The following LDLRAP1 variants were observed in gnomAD, a reference collection of about 807,000 sequenced individuals.
LDLRAP1 encodes low density lipoprotein receptor adapter protein 1.
A neutral mutation model predicts 37.8 loss-of-function variants in LDLRAP1; 30 were observed. The ratio of observed to expected loss-of-function variants is 0.79; its 90% CI spans 0.59 to 1.08. The LOEUF is 1.08. LDLRAP1 is among the 50% of genes least tolerant of loss of function. The pLI is 0.00. For synonymous variants in LDLRAP1, 156 were observed against 169.8 expected (o/e 0.92, Z 0.63); for missense variants, 375 against 401.6 (o/e 0.93, Z 0.57).
chr1:25,549,402 C>T (rs1271839896), intron 1 of LDLRAP1, among the ~76,000 whole-genome samples: 1 of 152,220 alleles, frequency 6.6e-6, no homozygotes, highest in East Asian at 1.9e-4. Context: ...ACACACCAGC[C>T]AGGCAGGGTC....
chr1:25,570,634 C>T (rs551731540), downstream of LDLRAP1, among the ~76,000 whole-genome samples: 14 of 152,136 alleles, frequency 9.2e-5, 1 homozygote, highest in South Asian at 1.7e-3. Flanking sequence ...CCGAGGCAGG[C>T]GGATCACGAG....
At chr1:25,569,792 A>G (rs775411107), downstream of LDLRAP1, among the ~76,000 whole-genome samples, 11 of 152,178 alleles carry the variant, frequency 7.2e-5, no homozygotes, top group Non-Finnish European at 1.3e-4. Flanking sequence ...AGCTCCCGTT[A>G]CTGCTGAGGA....
Position 25,563,140 on chromosome 1 carries a change from C to A in LDLRAP1, c.603C>A (p.Pro201=). The stretch of plus-strand genomic sequence containing the variant: ...TGGGGGCCCGCCAAGACTGCACCCC[C>A]TCCTTGAAGAGCTGTGAGTCCTGAC... ...DVLGARQDCT[P]SLKSLVATGN... Residue 201 remains proline (P), a synonymous_variant, in exon 6 of 9, where the codon CCC becomes CCA. Transcript: ENST00000374338. The A allele has an allele frequency of 1.2e-6, 2 of 1,607,178 alleles. No homozygotes were observed. The highest frequency in any genetic ancestry group is 1.7e-6 in the Non-Finnish European group (2 of 1,174,014).
the LDLRAP1 span, among the ~76,000 whole-genome samples, chr1:25,585,921 G>T: frequency 1.1e-4 from 16 of 152,262 alleles, no homozygotes; most frequent in African/African-American, 3.6e-4. Context: ...TGTGACTCTC[G>T]GTCAGATTCT....
the LDLRAP1 span, among the ~76,000 whole-genome samples, chr1:25,589,304 A>AAAAGAAAGAAAGAAAGAAAGAAAG: frequency 0.02 from 2,979 of 148,990 alleles, 91 homozygotes; most frequent in East Asian, 0.069. Flanking sequence ...ACTCCATCTC[A>AAAAGAAAGAAAGAAAGAAAGAAAG]AAAGAAAGAA....
chr1:25,587,581 G>A, the LDLRAP1 span, among the ~76,000 whole-genome samples: 10 of 152,316 alleles, frequency 6.6e-5, no homozygotes, highest in East Asian at 5.8e-4. Context: ...AAATGGGAGC[G>A]CAAGATCCCT....
chr1:25,575,237 G>C, the LDLRAP1 span, among the ~76,000 whole-genome samples: 1 of 152,258 alleles, frequency 6.6e-6, no homozygotes, highest in East Asian at 1.9e-4. Flanking sequence ...GGAAAGCCAG[G>C]ACTCCAGCAC....
chr1:25,569,053 C>T (rs2044561541), downstream of LDLRAP1, among the ~76,000 whole-genome samples: 1 of 152,044 alleles, frequency 6.6e-6, no homozygotes, highest in African/African-American at 2.4e-5. Flanking sequence ...AGTGGGGCCC[C>T]CTTTTCACCC....
chr1:25,564,830 T>A, intron 7 of LDLRAP1: 1 of 326,350 alleles, frequency 3.1e-6, no homozygotes, highest in Non-Finnish European at 5.9e-6. Flanking sequence ...TCAGGTCCAA[T>A]GCCCTCCTCT....
chr1:25,577,577 C>T, the LDLRAP1 span, among the ~76,000 whole-genome samples: 1 of 152,174 alleles, frequency 6.6e-6, no homozygotes, highest in Admixed American at 6.5e-5. Context: ...AGGCTTTCTA[C>T]AGCAGGGAGG....
At chr1:25,588,731 TTGTCTC>T in the LDLRAP1 span, among the ~76,000 whole-genome samples, 1 of 152,162 alleles carries the variant, frequency 6.6e-6, no homozygotes, top group Non-Finnish European at 1.5e-5. Context: ...TCTCTATACT[TTGTCTC>T]TGTGTCTCTT....
chr1:25,553,722 G>A (rs1453383197), intron 1 of LDLRAP1, 200 bp from the exon 2 acceptor site: 2 of 611,786 alleles, frequency 3.3e-6, no homozygotes, highest in East Asian at 2.9e-5. Flanking sequence ...AGTAAGCTGA[G>A]CTCGCACCAC....
chr1:25,565,427 C>T (rs1436996119), intron 8 of LDLRAP1, among the ~76,000 whole-genome samples: 1 of 152,196 alleles, frequency 6.6e-6, no homozygotes, highest in Non-Finnish European at 1.5e-5. Flanking sequence ...AAAGTTCTTA[C>T]TGTTGAGTCA....
At chr1:25,585,202 G>A in the LDLRAP1 span, among the ~76,000 whole-genome samples, 169 of 152,318 alleles carry the variant, frequency 1.1e-3, no homozygotes, top group African/African-American at 4.0e-3. Flanking sequence ...AATCGCAAAA[G>A]AGGAAGTAGC....
intron 8 of LDLRAP1, 33 bp downstream of exon 8, chr1:25,565,240 C>T (rs940644399): frequency 1.9e-6 from 3 of 1,613,460 alleles, no homozygotes; most frequent in African/African-American, 2.7e-5. Context: ...GGTAGGGGGC[C>T]TGGTGTGCGT....
At chr1:25,557,991 G>A (rs1325838309) in intron 4 of LDLRAP1, among the ~76,000 whole-genome samples, 3 of 152,020 alleles carry the variant, frequency 2.0e-5, no homozygotes, top group Non-Finnish European at 2.9e-5. Context: ...TCCCCTCCCT[G>A]CGTGACTGGG....
the LDLRAP1 span, among the ~76,000 whole-genome samples, chr1:25,577,717 C>G: frequency 6.6e-6 from 1 of 152,196 alleles, no homozygotes; most frequent in Admixed American, 6.5e-5. Flanking sequence ...GGCCTGGCGC[C>G]GGGTGGCAGG....
chr1:25,565,217 G>A lies in LDLRAP1; in HGVS notation c.782+10G>A, dbSNP rs1384088609. ...ATGAAGCGTTTTCGAGGTAATGCTA[G>A]CTTCCTGTGCTGGGTAGGGGGCCTG... On this transcript the variant is annotated intron_variant, in intron 8 of 8. Coordinates refer to ENST00000374338, the MANE Select transcript of LDLRAP1 (RefSeq NM_015627.3). The A allele has an allele frequency of 6.2e-7, 1 of 1,614,004 alleles. No homozygotes were observed. Among genetic ancestry groups the A allele is most frequent in the Non-Finnish European group, 8.5e-7 (1 of 1,179,932 alleles).
chr1:25,563,052 T>G lies in LDLRAP1; in HGVS notation c.533-18T>G, dbSNP rs925146793. ...GCTGGGGTCTGAGGCTCCAACATGT[T>G]GTGCCTTGGTCCTGCAGAGAAAGAG... On this transcript the variant is annotated intron_variant, in intron 5 of 8. Coordinates refer to ENST00000374338, the MANE Select transcript of LDLRAP1 (RefSeq NM_015627.3). 6.2e-7 allele frequency: 1 copy of G among 1,612,280 alleles called. No homozygotes were observed. The highest frequency in any genetic ancestry group is 1.3e-5 in the African/African-American group (1 of 74,854).
Sources: allele counts gnomAD v4.1 joint callset (sites outside exome capture counted in the v4.1 genomes callset), GRCh38; gene constraint gnomAD v4.1.1; transcripts MANE v1.5; gene names NCBI Gene and HGNC (gene_info 2026-07-23, HGNC 2026-07-21).